The following VAT1L variants were observed in gnomAD, a reference collection of about 807,000 sequenced individuals.
The protein encoded by VAT1L is vesicle amine transport 1 like, also known as putative NADPH-dependent quinone oxidoreductase VAT1L.
A neutral mutation model predicts 44.1 loss-of-function variants in VAT1L; 34 were observed. The observed-to-expected ratio is 0.77, with a 90% CI of 0.59 to 1.03. The LOEUF is 1.03. VAT1L is among the 50% of genes least tolerant of loss of function. The pLI is 0.00. For synonymous variants in VAT1L, 253 were observed against 202.2 expected (o/e 1.25, Z -2.13); for missense variants, 615 against 538.8 (o/e 1.14, Z -1.40).
intron 4 of VAT1L, among the ~76,000 whole-genome samples, chr16:77,864,981 T>C (rs1377531623): frequency 6.9e-6 from 1 of 145,318 alleles, no homozygotes. Context: ...TTTTTTTTTT[T>C]TTTTTTTTTT....
At chr16:77,924,800 G>C (rs1317943902) in intron 7 of VAT1L, among the ~76,000 whole-genome samples, 2 of 151,990 alleles carry the variant, frequency 1.3e-5, no homozygotes, top group Admixed American at 1.3e-4. Context: ...CAGACTCCAA[G>C]ACCTTCAATT....
chr16:77,903,510 T>G (rs1024848443), intron 7 of VAT1L, among the ~76,000 whole-genome samples: 4 of 152,082 alleles, frequency 2.6e-5, no homozygotes, highest in African/African-American at 9.7e-5. Flanking sequence ...TACTGAAGAC[T>G]TATTCTAAGC....
At chr16:77,956,981 A>G (rs1483517571) in intron 7 of VAT1L, among the ~76,000 whole-genome samples, 1 of 152,106 alleles carries the variant, frequency 6.6e-6, no homozygotes, top group Non-Finnish European at 1.5e-5. Flanking sequence ...ATTCCTGCAA[A>G]CCAGCCCTTT....
At position 77,946,279 on chromosome 16, in the gene VAT1L, CTTTTTTTTTTT is replaced by C. The variant is rs66461822; in HGVS notation, c.1078-25559_1078-25549del. ...GTTCTGGACATCTAGGTTACTTGTT[CTTTTTTTTTTT>C]TTTTTTTTTTTGAGACAGAGTCTCA... On this transcript the variant is annotated intron_variant, in intron 7 of 8. Transcript: ENST00000302536. 5.7e-5 allele frequency among the ~76,000 whole-genome samples: 4 copies of C among 70,418 alleles called. 1 individual carries two copies. In the East Asian group the frequency reaches 2.5e-3, roughly 43 times the overall value. 46.2% of individuals were successfully genotyped at this position (70,418 alleles called of 152,430 possible).
At chr16:77,926,800 C>T (rs1035848748) in intron 7 of VAT1L, among the ~76,000 whole-genome samples, 3 of 152,142 alleles carry the variant, frequency 2.0e-5, no homozygotes, top group African/African-American at 7.2e-5. Context: ...GAGACACAGA[C>T]ATGTCCCATT....
chr16:77,971,525 A>C (rs552067549), intron 7 of VAT1L, among the ~76,000 whole-genome samples: 25 of 152,274 alleles, frequency 1.6e-4, no homozygotes, highest in African/African-American at 4.8e-4. Flanking sequence ...TAATCTGACT[A>C]ATGCACCCTG....
chr16:77,824,780 T>C (rs987264024), intron 2 of VAT1L, among the ~76,000 whole-genome samples: 5 of 147,096 alleles, frequency 3.4e-5, no homozygotes, highest in East Asian at 2.1e-4. Flanking sequence ...ATGATTGTGA[T>C]ACTAAAAAAT....
Position 77,938,301 on chromosome 16 carries a change from T to C in VAT1L, c.1078-33549T>C, listed in dbSNP as rs2017828749. Reference sequence around the variant, plus strand: ...AGATATTTATTGAATTCCAACTATTTAGCTGTCTGTGTTGTATGCACTTGG... The same window carrying C: ...AGATATTTATTGAATTCCAACTATTCAGCTGTCTGTGTTGTATGCACTTGG... On this transcript the variant is annotated intron_variant, in intron 7 of 8. Transcript: ENST00000302536. 1.3e-5 allele frequency among the ~76,000 whole-genome samples: 2 copies of C among 152,220 alleles called. 1 individual carries two copies. Among genetic ancestry groups the C allele is most frequent in the Admixed American group, 1.3e-4 (2 of 15,282 alleles).
At chr16:77,954,591 G>A (rs2018081390) in intron 7 of VAT1L, among the ~76,000 whole-genome samples, 1 of 152,086 alleles carries the variant, frequency 6.6e-6, no homozygotes, top group Non-Finnish European at 1.5e-5. Flanking sequence ...TGCCACTGTA[G>A]TCCAGCCTGG....
intron 7 of VAT1L, among the ~76,000 whole-genome samples, chr16:77,920,851 A>G (rs953029233): frequency 2.0e-5 from 3 of 152,086 alleles, no homozygotes; most frequent in Non-Finnish European, 4.4e-5. Flanking sequence ...AGTTCACTCT[A>G]TGATGTTCAC....
chr16:77,970,307 A>G (rs971066421), intron 7 of VAT1L, among the ~76,000 whole-genome samples: 6 of 152,182 alleles, frequency 3.9e-5, no homozygotes, highest in Non-Finnish European at 7.3e-5. Flanking sequence ...TTTATATTAA[A>G]TACTGATTTG....
intron 7 of VAT1L, among the ~76,000 whole-genome samples, chr16:77,892,174 T>A (rs968329100): frequency 1.3e-5 from 2 of 152,134 alleles, no homozygotes; most frequent in Admixed American, 6.5e-5. Flanking sequence ...AAACTTCAAC[T>A]CTAGCACCAG....
intron 3 of VAT1L, among the ~76,000 whole-genome samples, chr16:77,830,463 T>G (rs565591784): frequency 3.3e-4 from 51 of 152,310 alleles, no homozygotes; most frequent in Middle Eastern, 3.4e-3. Context: ...GCTCCCATAA[T>G]TCCCACATGT....
Position 77,937,552 on chromosome 16 carries a change from CTTATAG to C in VAT1L, c.1078-34294_1078-34289del, listed in dbSNP as rs557240222. ...TTTTACTATTTGCTCTTTCTGGCTG[CTTATAG>C]TTAGAAGAGAAGTGATTTCCTTGTA... On this transcript the variant is annotated intron_variant, in intron 7 of 8. Transcript: ENST00000302536. Among the ~76,000 whole-genome samples, 67 of 152,316 alleles carry C rather than the reference CTTATAG, an allele frequency of 4.4e-4. 1 individual carries two copies. Among genetic ancestry groups the C allele is most frequent in the South Asian group, 1.9e-3 (9 of 4,824 alleles).
Position 77,978,394 on chromosome 16 carries a change from A to C in VAT1L, c.*699A>C, listed in dbSNP as rs2018364104. 1 of 152,248 alleles carries C rather than the reference A, an allele frequency of 6.6e-6. No homozygotes were observed. The highest frequency in any genetic ancestry group is 6.5e-5 in the Admixed American group (1 of 15,280). The allele number at this position is 152,248 out of a possible 1,614,324, so 9.4% of individuals were successfully genotyped here. ...GCATGAGTTTGAGGACCTGCTGTGA[A>C]GATTTCTCCTCCAAAATACATCTCA... On this transcript the variant is annotated 3_prime_UTR_variant, in exon 9 of 9. Coordinates refer to ENST00000302536, the MANE Select transcript of VAT1L (RefSeq NM_020927.3).
At chr16:77,905,400 T>C (rs914383199) in intron 7 of VAT1L, among the ~76,000 whole-genome samples, 4 of 152,146 alleles carry the variant, frequency 2.6e-5, no homozygotes, top group African/African-American at 9.7e-5. Flanking sequence ...CCTTACTTTT[T>C]ACACTTAAAA....
intron 7 of VAT1L, among the ~76,000 whole-genome samples, chr16:77,885,248 T>C (rs960162440): frequency 6.6e-6 from 1 of 152,246 alleles, no homozygotes; most frequent in African/African-American, 2.4e-5. Flanking sequence ...CGATGGACTT[T>C]GGAATTACTG....
chr16:77,795,878 T>C (rs2015924196), intron 1 of VAT1L, among the ~76,000 whole-genome samples: 1 of 139,064 alleles, frequency 7.2e-6, no homozygotes, highest in Non-Finnish European at 1.5e-5. Context: ...CAGGCTGGAG[T>C]GCAGTGGCGC....
intron 3 of VAT1L, among the ~76,000 whole-genome samples, chr16:77,839,297 A>G (rs367553755): frequency 1.4e-3 from 209 of 152,100 alleles, no homozygotes; most frequent in South Asian, 7.3e-3. Flanking sequence ...GCACTTTGGG[A>G]GGCCGAGACG....
Sources: allele counts gnomAD v4.1 joint callset (sites outside exome capture counted in the v4.1 genomes callset), GRCh38; gene constraint gnomAD v4.1.1; transcripts MANE v1.5; gene names NCBI Gene and HGNC (gene_info 2026-07-23, HGNC 2026-07-21).